GALNT18: variants seen among roughly 807,000 people sequenced by gnomAD.
GALNT18 encodes the protein polypeptide N-acetylgalactosaminyltransferase 18, also known as GalNAc-transferase 18.
In GALNT18, 44 loss-of-function variants were observed where a neutral mutation model predicts 69.5. The observed-to-expected ratio is 0.63, with a 90% CI of 0.50 to 0.81. The LOEUF is 0.81. Ranked by LOEUF, GALNT18 falls within the 40% of genes least tolerant of loss-of-function variation. The pLI is 0.00. For missense variants in GALNT18, 715 were observed against 810.0 expected, an observed-to-expected ratio of 0.88 and a Z score of 1.42; for synonymous variants, 364 against 318.2, an observed-to-expected ratio of 1.14 and a Z score of -1.53.
At chr11:11,612,622 G>A (rs1367225946) in intron 1 of GALNT18, among the ~76,000 whole-genome samples, 1 of 152,168 alleles carries the variant, frequency 6.6e-6, no homozygotes, top group Non-Finnish European at 1.5e-5. Context: ...AAGTTCCCAG[G>A]GGACAGAGAT....
At chr11:11,597,935 C>G (rs1859541046) in intron 1 of GALNT18, among the ~76,000 whole-genome samples, 1 of 152,188 alleles carries the variant, frequency 6.6e-6, no homozygotes, top group African/African-American at 2.4e-5. Context: ...GCTGGGATTA[C>G]AGGCGTGAGC....
At chr11:11,485,855 GC>G (rs1274007237) in intron 1 of GALNT18, among the ~76,000 whole-genome samples, 5 of 152,214 alleles carry the variant, frequency 3.3e-5, no homozygotes, top group African/African-American at 1.2e-4. Context: ...TGGTAAAGGG[GC>G]CAGCAGATGC....
chr11:11,305,694 T>A (rs891402029), intron 9 of GALNT18, among the ~76,000 whole-genome samples: 1 of 152,114 alleles, frequency 6.6e-6, no homozygotes, highest in Admixed American at 6.5e-5. Context: ...CAGAATTACA[T>A]AGAAGGATTT....
In GALNT18 at chr11:11,435,952, T is replaced by C. The variant is rs35106610; in HGVS notation, c.429-3165A>G. ...CTCCTTAAATCCTTCTTTTCTCTTC[T>C]CTCCTGGGACTGCTGGGGCCTCCTG... On this transcript the variant is annotated intron_variant, in intron 2 of 10. Coordinates refer to ENST00000227756, the MANE Select transcript of GALNT18 (RefSeq NM_198516.3). This position sits in a 1 kb window ranked among gnomAD's most constrained non-coding sequence, Gnocchi z 4.4. Among the ~76,000 whole-genome samples the C allele has an allele frequency of 0.16, 23,806 of 152,212 alleles. 2,080 individuals are homozygous for C. Among genetic ancestry groups the C allele is most frequent in the Non-Finnish European group, 0.2 (13,318 of 67,992 alleles).
intron 3 of GALNT18, among the ~76,000 whole-genome samples, chr11:11,425,351 G>A (rs1855104271): frequency 1.3e-5 from 2 of 152,238 alleles, no homozygotes; most frequent in East Asian, 1.9e-4. Flanking sequence ...CCATTGCCTT[G>A]CTTGAAAGCA....
Position 11,496,949 on chromosome 11 carries a change from C to T in GALNT18, c.236-48013G>A, listed in dbSNP as rs886110899. 2.0e-5 allele frequency among the ~76,000 whole-genome samples: 3 copies of T among 152,224 alleles called. No homozygotes were observed. The highest frequency in any genetic ancestry group is 2.9e-5 in the Non-Finnish European group (2 of 68,046). ...AAAATGCAGCAACTGCCTCCCTTCT[C>T]ACCTGGTAGAGCACCCAAATACTCC... On this transcript the variant is annotated intron_variant, in intron 1 of 10. Coordinates refer to ENST00000227756, the MANE Select transcript of GALNT18 (RefSeq NM_198516.3). The surrounding 1 kb of genome is among the most constrained non-coding windows in gnomAD (Gnocchi z 4.0).
chr11:11,294,600 C>T (rs2133007686), intron 9 of GALNT18, among the ~76,000 whole-genome samples: 1 of 85,784 alleles, frequency 1.2e-5, no homozygotes, highest in Non-Finnish European at 2.3e-5. Context: ...GTAGTGCAAA[C>T]ACATCCCAGA....
chr11:11,373,250 C>T (rs1468511208), intron 5 of GALNT18, among the ~76,000 whole-genome samples: 1 of 152,002 alleles, frequency 6.6e-6, no homozygotes, highest in Admixed American at 6.6e-5. Context: ...AGGGGCCCAG[C>T]TGGGAAGCTC....
At chr11:11,471,194 G>T (rs1197139922) in intron 1 of GALNT18, among the ~76,000 whole-genome samples, 1 of 152,108 alleles carries the variant, frequency 6.6e-6, no homozygotes, top group Non-Finnish European at 1.5e-5. Flanking sequence ...CTTCTGGTTG[G>T]CTTTCTACCT....
chr11:11,529,740 G>A (rs2133940103), intron 1 of GALNT18, among the ~76,000 whole-genome samples: 1 of 152,300 alleles, frequency 6.6e-6, no homozygotes, highest in South Asian at 2.1e-4. Flanking sequence ...CTGTATATGA[G>A]TGTGTGCCTA....
In GALNT18 at chr11:11,486,640, A is replaced by G. The variant is rs1590045193; in HGVS notation, c.236-37704T>C. 2.6e-5 allele frequency among the ~76,000 whole-genome samples: 4 copies of G among 152,376 alleles called. No individual in the cohort carries two copies. In the East Asian group the frequency reaches 7.7e-4, roughly 29 times the overall value. On this transcript the variant is annotated intron_variant, in intron 1 of 10. Transcript: ENST00000227756. The stretch of plus-strand genomic sequence containing the variant: ...CACTCAATAAATCTCCACTCCCTCC[A>G]TGAAGATATGTCTGACAGCCAACGG...
Position 11,396,651 on chromosome 11 carries a change from C to A in GALNT18, c.596-17387G>T, listed in dbSNP as rs1854336817. On this transcript the variant is annotated intron_variant, in intron 3 of 10. Transcript: ENST00000227756. The surrounding 1 kb of genome is among the most constrained non-coding windows in gnomAD (Gnocchi z 5.2). ...TCTGGGGCAATAGTGTGGTTGGGGGCAGTAGGGATTAACGCCACCTAATCT... is the reference window on the plus strand; with the variant it reads ...TCTGGGGCAATAGTGTGGTTGGGGGAAGTAGGGATTAACGCCACCTAATCT... 6.6e-6 allele frequency among the ~76,000 whole-genome samples: 1 copy of A among 151,990 alleles called. No homozygotes were observed. Among genetic ancestry groups the A allele is most frequent in the Non-Finnish European group, 1.5e-5 (1 of 67,998 alleles).
intron 8 of GALNT18, 120 bp from the exon 9 acceptor site, chr11:11,327,301 G>A: frequency 2.7e-6 from 2 of 750,874 alleles, no homozygotes; most frequent in South Asian, 3.3e-5. Context: ...TCAGCCCAAG[G>A]CCCTTGAACA....
At position 11,421,138 on chromosome 11, in the gene GALNT18, G is replaced by C. The variant is rs909031748; in HGVS notation, c.595+11483C>G. On this transcript the variant is annotated intron_variant, in intron 3 of 10. Coordinates refer to ENST00000227756, the MANE Select transcript of GALNT18 (RefSeq NM_198516.3). This position sits in a 1 kb window ranked among gnomAD's most constrained non-coding sequence, Gnocchi z 5.6. ...ATTCTCTAAGACAGTTTCCTGTATC[G>C]AGTAAAGGGGACAAGAGGAGTGATG... Among the ~76,000 whole-genome samples the C allele has an allele frequency of 2.6e-5, 4 of 152,036 alleles. No homozygotes were observed. The highest frequency in any genetic ancestry group is 9.7e-5 in the African/African-American group (4 of 41,390).
At chr11:11,351,977 C>T in intron 6 of GALNT18, 2 of 1,609,028 alleles carry the variant, frequency 1.2e-6, no homozygotes, top group East Asian at 2.2e-5. Flanking sequence ...CTGGAACAGG[C>T]ATCCCAAGGG....
chr11:11,433,126 G>A (rs1223548114), intron 2 of GALNT18, among the ~76,000 whole-genome samples: 1 of 152,222 alleles, frequency 6.6e-6, no homozygotes, highest in African/African-American at 2.4e-5. Context: ...CCAGTAGAAT[G>A]GGGAATGCAA....
rs1860127607 is a variant in GALNT18 at position 11,619,160 on chromosome 11, T to C, written c.235+2199A>G. ...GCCCCTGCCTGCCTCATTTCCAGTC[T>C]TTCCAAGTCACTGACCCTTCCCTAC... On this transcript the variant is annotated intron_variant, in intron 1 of 10. Coordinates refer to ENST00000227756, the MANE Select transcript of GALNT18 (RefSeq NM_198516.3). The surrounding 1 kb of genome is among the most constrained non-coding windows in gnomAD (Gnocchi z 4.9). 6.6e-6 allele frequency among the ~76,000 whole-genome samples: 1 copy of C among 152,156 alleles called. No individual in the cohort carries two copies. Among genetic ancestry groups the C allele is most frequent in the African/African-American group, 2.4e-5 (1 of 41,434 alleles).
At chr11:11,556,022 G>C (rs537955903) in intron 1 of GALNT18, among the ~76,000 whole-genome samples, 1 of 152,176 alleles carries the variant, frequency 6.6e-6, no homozygotes, top group African/African-American at 2.4e-5. Context: ...TCAGTGCCAG[G>C]TCATGGATGA....
At chr11:11,419,774 TCTCCTCCCTAAA>T (rs149858273) in intron 3 of GALNT18, among the ~76,000 whole-genome samples, 1,605 of 152,056 alleles carry the variant, frequency 0.011, 18 homozygotes, top group Middle Eastern at 0.02. Context: ...TGCCTTTACG[TCTCCTCCCTAAA>T]ATTCTACTTA....
Sources: allele counts gnomAD v4.1 joint callset (sites outside exome capture counted in the v4.1 genomes callset), GRCh38; gene constraint gnomAD v4.1.1; non-coding constraint Gnocchi (gnomAD v3.1); transcripts MANE v1.5; gene names NCBI Gene and HGNC (gene_info 2026-07-23, HGNC 2026-07-21).